Variants in TUSC3 observed in about 807,000 individuals in gnomAD.
TUSC3 encodes dolichyl-diphosphooligosaccharide--protein glycosyltransferase subunit TUSC3.
A neutral mutation model predicts 44.8 loss-of-function variants in TUSC3; 45 were observed. That is an observed-to-expected ratio of 1.00 (90% CI 0.79 to 1.29). The LOEUF is 1.29. Ranked by LOEUF, TUSC3 falls within the 50% of genes most tolerant of loss-of-function variation. The pLI is 0.00. For missense variants in TUSC3, 519 were observed against 437.9 expected (o/e 1.19, Z -1.65); for synonymous variants, 212 against 152.9 (o/e 1.39, Z -2.85).
At chr8:15,451,196 T>C (rs566079264) in intron 1 of TUSC3, among the ~76,000 whole-genome samples, 3 of 152,350 alleles carry the variant, frequency 2.0e-5, no homozygotes, top group South Asian at 2.1e-4. Context: ...TTATTTCTTG[T>C]ATCACAGTAT....
At chr8:15,422,755 A>G (rs1799753556) in intron 1 of TUSC3, among the ~76,000 whole-genome samples, 1 of 151,574 alleles carries the variant, frequency 6.6e-6, no homozygotes, top group Admixed American at 6.6e-5. Flanking sequence ...CAGGCGCCCC[A>G]CCTCAGCCTC....
intron 2 of TUSC3, among the ~76,000 whole-genome samples, chr8:15,636,211 A>G (rs924798790): frequency 6.6e-6 from 1 of 152,124 alleles, no homozygotes; most frequent in Admixed American, 6.6e-5. Flanking sequence ...TCGGATTTCA[A>G]CTTAGCAGAA....
At chr8:15,677,061 G>T (rs1381037393) in intron 6 of TUSC3, among the ~76,000 whole-genome samples, 1 of 152,028 alleles carries the variant, frequency 6.6e-6, no homozygotes, top group African/African-American at 2.4e-5. Flanking sequence ...GTCTCACTCT[G>T]TCACCTTGGT....
At chr8:15,810,728 C>T in the TUSC3 span, among the ~76,000 whole-genome samples, 1 of 152,104 alleles carries the variant, frequency 6.6e-6, no homozygotes, top group Non-Finnish European at 1.5e-5. Flanking sequence ...TGCCACATGG[C>T]CAGCAGATTG....
At chr8:15,452,823 T>C (rs892773229) in intron 1 of TUSC3, among the ~76,000 whole-genome samples, 1 of 152,198 alleles carries the variant, frequency 6.6e-6, no homozygotes, top group African/African-American at 2.4e-5. Flanking sequence ...CAGGAAGCTT[T>C]TGTTTCCTTA....
intron 6 of TUSC3, among the ~76,000 whole-genome samples, chr8:15,708,974 T>TA (rs1442098086): frequency 6.6e-6 from 1 of 151,922 alleles, no homozygotes; most frequent in Non-Finnish European, 1.5e-5. Context: ...ATTGACAAAG[T>TA]AGTACTTAAT....
At chr8:15,574,243 C>G (rs1323443672) in intron 1 of TUSC3, among the ~76,000 whole-genome samples, 4 of 152,090 alleles carry the variant, frequency 2.6e-5, no homozygotes, top group Non-Finnish European at 4.4e-5. Flanking sequence ...TTGCGTTTCT[C>G]CTTCTCTCTC....
chr8:15,471,407 A>T (rs920958658), intron 1 of TUSC3, among the ~76,000 whole-genome samples: 8 of 152,192 alleles, frequency 5.3e-5, no homozygotes, highest in African/African-American at 1.9e-4. Flanking sequence ...GTCTCCAAGG[A>T]CCTATTGAGG....
the TUSC3 span, among the ~76,000 whole-genome samples, chr8:15,771,962 G>C: frequency 6.6e-6 from 1 of 152,000 alleles, no homozygotes; most frequent in Non-Finnish European, 1.5e-5. Flanking sequence ...GGTAGAGGGC[G>C]CCTGTAGTCC....
chr8:15,810,376 G>A, the TUSC3 span, among the ~76,000 whole-genome samples: 1 of 152,186 alleles, frequency 6.6e-6, no homozygotes, highest in Non-Finnish European at 1.5e-5. Context: ...GGTGGCGTAT[G>A]TCTATAATCT....
intron 2 of TUSC3, among the ~76,000 whole-genome samples, chr8:15,492,701 C>A (rs1800824302): frequency 6.6e-6 from 1 of 150,986 alleles, no homozygotes; most frequent in African/African-American, 2.4e-5. Flanking sequence ...CTTAGGGAGG[C>A]AGAGGTGGGA....
chr8:15,661,555 T>C (rs1807427557), intron 4 of TUSC3, among the ~76,000 whole-genome samples: 1 of 152,062 alleles, frequency 6.6e-6, no homozygotes, highest in Non-Finnish European at 1.5e-5. Context: ...AATGTCCATC[T>C]GTCCTTCACT....
chr8:15,806,240 T>C, the TUSC3 span: 3 of 562,130 alleles, frequency 5.3e-6, no homozygotes, highest in South Asian at 5.3e-5. Context: ...TTTGCTTGTT[T>C]GCCAATTCAC....
At chr8:15,826,350 G>A in the TUSC3 span, among the ~76,000 whole-genome samples, 2 of 152,158 alleles carry the variant, frequency 1.3e-5, no homozygotes, top group Non-Finnish European at 2.9e-5. Flanking sequence ...TAAATAACAA[G>A]TAAAGATTAA....
In TUSC3 at chr8:15,463,862, C is replaced by T. The variant is rs188433258; in HGVS notation, n.92-19524C>T. On this transcript the variant is annotated intron_variant and non_coding_transcript_variant, in intron 1 of 5. Transcript: ENST00000503191. ...AATATGCTGTAACATCACATCTTTC[C>T]AAAACCATACATATAATGTTCTTAT... is the stretch of plus-strand genomic sequence containing the variant. Among the ~76,000 whole-genome samples the T allele has an allele frequency of 3.3e-3, 499 of 152,254 alleles. 1 individual carries two copies. Among genetic ancestry groups the T allele is most frequent in the African/African-American group, 0.012 (484 of 41,552 alleles).
intron 6 of TUSC3, among the ~76,000 whole-genome samples, chr8:15,694,887 T>C (rs1809092172): frequency 6.6e-6 from 1 of 152,198 alleles, no homozygotes; most frequent in Non-Finnish European, 1.5e-5. Context: ...GTGAGATTCG[T>C]GCTGGTTCAC....
At chr8:15,707,778 G>A (rs191584130) in intron 6 of TUSC3, among the ~76,000 whole-genome samples, 10 of 151,860 alleles carry the variant, frequency 6.6e-5, no homozygotes, top group African/African-American at 1.9e-4. Context: ...GCCACAAACC[G>A]GGTAACTTTA....
intron 1 of TUSC3, among the ~76,000 whole-genome samples, chr8:15,439,503 A>G (rs181536666): frequency 4.6e-5 from 7 of 152,314 alleles, no homozygotes; most frequent in Middle Eastern, 6.8e-3. Flanking sequence ...GCTGAAGTGA[A>G]CCGTGGTTAC....
At chr8:15,741,920 A>C (rs541865537) in intron 7 of TUSC3, among the ~76,000 whole-genome samples, 22 of 152,278 alleles carry the variant, frequency 1.4e-4, no homozygotes, top group African/African-American at 4.8e-4. Flanking sequence ...GAAATCTCCT[A>C]CATATGAACA....
Sources: gnomAD v4.1 joint callset for allele counts (sites outside exome capture counted in the v4.1 genomes callset) on GRCh38, gnomAD v4.1.1 for gene constraint, MANE v1.5 for transcripts, NCBI Gene and HGNC (gene_info 2026-07-23, HGNC 2026-07-21) for gene names.